OTOGL: variants seen among roughly 807,000 people sequenced by gnomAD.
OTOGL encodes otogelin like, also known as otogelin-like protein.
Under a neutral mutation model 318.5 loss-of-function variants are expected in OTOGL, and 285 were observed. That is an observed-to-expected ratio of 0.89 (90% CI 0.81 to 0.99). OTOGL has a LOEUF of 0.99. OTOGL is among the 50% of genes least tolerant of loss of function. The pLI, the probability that OTOGL is intolerant of heterozygous loss-of-function variation, is 0.00. For synonymous variants in OTOGL, 987 were observed against 936.5 expected (o/e 1.05, Z -0.99); for missense variants, 2,899 against 2,845.6 (o/e 1.02, Z -0.43).
At chr12:80,252,994 A>C (rs1333276339) in intron 13 of OTOGL, among the ~76,000 whole-genome samples, 2 of 152,216 alleles carry the variant, frequency 1.3e-5, no homozygotes, top group African/African-American at 4.8e-5. Context: ...TGGCTGATTT[A>C]AATTCTGGCT....
intron 27 of OTOGL, among the ~76,000 whole-genome samples, chr12:80,299,756 T>C (rs1028237564): frequency 2.6e-4 from 40 of 152,192 alleles, no homozygotes; most frequent in African/African-American, 8.4e-4. Flanking sequence ...CATATCTTGC[T>C]AACATCACTA....
At position 80,353,369 on chromosome 12, in the gene OTOGL, C is replaced by A. The variant is rs772444738; in HGVS notation, c.5452C>A (p.Pro1818Thr). Reference sequence around the variant, plus strand: ...GAAGGAATATCAACCCTGTGTGCGACCTTGTGAAGCAAGAACATGCCTGAA... The same window carrying A: ...GAAGGAATATCAACCCTGTGTGCGAACTTGTGAAGCAAGAACATGCCTGAA... ...EGKEYQPCVR[P>T]CEARTCLNQW... Residue 1818 changes from proline (P) to threonine (T), a missense_variant, in exon 46 of 59, where the codon CCT becomes ACT. By Grantham distance (38) the Pro-to-Thr change is conservative. Coordinates refer to ENST00000547103, the MANE Select transcript of OTOGL (RefSeq NM_001378609.3). 9.4e-6 allele frequency: 15 copies of A among 1,600,076 alleles called. No homozygotes were observed. The highest frequency in any genetic ancestry group is 2.3e-5 in the South Asian group (2 of 87,788).
intron 37 of OTOGL, among the ~76,000 whole-genome samples, chr12:80,329,801 A>G (rs1197006786): frequency 6.6e-6 from 1 of 152,224 alleles, no homozygotes; most frequent in Non-Finnish European, 1.5e-5. Context: ...ATTGAGCACC[A>G]ACTCTACCTG....
chr12:80,334,477 T>C (rs1888272208), intron 38 of OTOGL, among the ~76,000 whole-genome samples: 1 of 151,796 alleles, frequency 6.6e-6, no homozygotes, highest in African/African-American at 2.4e-5. Flanking sequence ...TAAGAAAAAA[T>C]TTGGGAATTC....
chr12:80,168,769 A>G (rs1420518738), intron 1 of OTOGL, among the ~76,000 whole-genome samples: 1 of 152,180 alleles, frequency 6.6e-6, no homozygotes, highest in Non-Finnish European at 1.5e-5. Flanking sequence ...AAGTTATGAT[A>G]TCTTCTTTCA....
chr12:80,243,802 T>C, intron 11 of OTOGL, among the ~76,000 whole-genome samples: 1 of 148,284 alleles, frequency 6.7e-6, no homozygotes, highest in East Asian at 1.9e-4. Flanking sequence ...ATATATAAAA[T>C]ATATATTTCC....
chr12:80,313,764 A>G, intron 31 of OTOGL, 132 bp downstream of exon 31: 1 of 705,780 alleles, frequency 1.4e-6, no homozygotes, highest in South Asian at 2.9e-5. Context: ...TAAATTTTAT[A>G]TTCCTTTGAC....
chr12:80,155,948 T>C (rs910448511), intron 1 of OTOGL, among the ~76,000 whole-genome samples: 2 of 152,248 alleles, frequency 1.3e-5, no homozygotes, highest in Admixed American at 1.3e-4. Flanking sequence ...AATGACTGGA[T>C]CTCATTCATT....
intron 29 of OTOGL, among the ~76,000 whole-genome samples, chr12:80,309,058 A>G (rs1338272880): frequency 2.0e-5 from 3 of 152,204 alleles, no homozygotes; most frequent in Non-Finnish European, 2.9e-5. Context: ...GGAGTAGTCA[A>G]ATAATTTTAA....
intron 32 of OTOGL, among the ~76,000 whole-genome samples, chr12:80,314,792 G>T (rs1886868118): frequency 6.6e-6 from 1 of 152,030 alleles, no homozygotes; most frequent in Admixed American, 6.6e-5. Context: ...TACACATTGT[G>T]GAATGATCAA....
At chr12:80,134,042 A>G (rs1407683394) in intron 1 of OTOGL, among the ~76,000 whole-genome samples, 2 of 152,186 alleles carry the variant, frequency 1.3e-5, no homozygotes, top group Non-Finnish European at 1.5e-5. Flanking sequence ...GTTAAATAGC[A>G]TTATTCCAGC....
intron 1 of OTOGL, among the ~76,000 whole-genome samples, chr12:80,146,092 C>T (rs570821566): frequency 1.3e-5 from 2 of 150,518 alleles, no homozygotes; most frequent in South Asian, 4.2e-4. Flanking sequence ...TTCCAACACC[C>T]TGTTGAATAG....
chr12:80,311,936 C>T (rs892633844), intron 30 of OTOGL, among the ~76,000 whole-genome samples: 2 of 152,058 alleles, frequency 1.3e-5, no homozygotes, highest in African/African-American at 4.8e-5. Flanking sequence ...AGTGTGTCAA[C>T]ATTTCGAAGA....
At position 80,271,565 on chromosome 12, in the gene OTOGL, A is replaced by G; in HGVS notation, c.2519-83A>G. ...CAAACTCAAAATAGGTTTAGAATAA[A>G]CCTATTTTATGAATTTTGGTGTTCA... On this transcript the variant is annotated intron_variant, in intron 23 of 58. Transcript: ENST00000547103. The G allele has an allele frequency of 2.2e-6, 3 of 1,336,956 alleles. No individual in the cohort carries two copies. In the South Asian group the frequency reaches 4.4e-5, roughly 20 times the overall value. The allele number at this position is 1,336,956 out of a possible 1,614,324, so 82.8% of individuals were successfully genotyped here. A position where few individuals can be genotyped will look rare whatever the true frequency, so the allele number is the denominator to read the frequency against.
chr12:80,159,999 G>T (rs1873395659), intron 1 of OTOGL, among the ~76,000 whole-genome samples: 2 of 151,994 alleles, frequency 1.3e-5, no homozygotes, highest in Non-Finnish European at 2.9e-5. Flanking sequence ...AGTGGGGAAA[G>T]GACACCCTAT....
At chr12:80,110,195 G>A (rs988784918) in intron 1 of OTOGL, among the ~76,000 whole-genome samples, 2 of 151,352 alleles carry the variant, frequency 1.3e-5, no homozygotes, top group African/African-American at 4.9e-5. Flanking sequence ...AGCCTCCCGA[G>A]TAGCTGGGAC....
intron 37 of OTOGL, among the ~76,000 whole-genome samples, chr12:80,331,498 C>T (rs1318557111): frequency 1.3e-5 from 2 of 151,752 alleles, no homozygotes; most frequent in Non-Finnish European, 2.9e-5. Context: ...GCACCACATG[C>T]CCGGCTAATT....
At chr12:80,215,596 G>A (rs144083922) in intron 4 of OTOGL, among the ~76,000 whole-genome samples, 93 of 152,258 alleles carry the variant, frequency 6.1e-4, no homozygotes, top group Non-Finnish European at 5.3e-4. Context: ...GAACCTGAGC[G>A]GGTTGAATAA....
At chr12:80,366,873 G>A (rs955312031) in intron 53 of OTOGL, among the ~76,000 whole-genome samples, 1 of 151,762 alleles carries the variant, frequency 6.6e-6, no homozygotes, top group East Asian at 1.9e-4. Flanking sequence ...AGGCCTCAGA[G>A]AATTTTACAG....
Sources: allele counts gnomAD v4.1 joint callset (sites outside exome capture counted in the v4.1 genomes callset), GRCh38; gene constraint gnomAD v4.1.1; transcripts MANE v1.5; gene names NCBI Gene and HGNC (gene_info 2026-07-23, HGNC 2026-07-21).